The following RABGAP1L variants were observed in gnomAD, a reference collection of about 807,000 sequenced individuals.
The protein encoded by RABGAP1L is rab GTPase-activating protein 1-like.
Under a neutral mutation model 137.7 loss-of-function variants are expected in RABGAP1L, and 63 were observed. That is an observed-to-expected ratio of 0.46 (90% CI 0.37 to 0.56). The LOEUF (loss-of-function observed/expected upper bound fraction) is 0.56, where lower values mean the gene tolerates loss of function less well. Among genes scored for constraint, RABGAP1L ranks in the 20% least tolerant of loss-of-function variants. The pLI, the probability that RABGAP1L is intolerant of heterozygous loss-of-function variation, is 0.00. For missense variants in RABGAP1L, 1,095 were observed against 1,244.0 expected (o/e 0.88, Z 1.80); for synonymous variants, 431 against 433.7 (o/e 0.99, Z 0.08).
At chr1:174,168,993 C>G (rs1358816065) in intron 1 of RABGAP1L, among the ~76,000 whole-genome samples, 1 of 152,058 alleles carries the variant, frequency 6.6e-6, no homozygotes, top group East Asian at 1.9e-4. Context: ...CCATGTGTAC[C>G]CATTGTTTAG....
intron 17 of RABGAP1L, among the ~76,000 whole-genome samples, chr1:174,751,412 T>C (rs1395022464): frequency 6.6e-6 from 1 of 152,160 alleles, no homozygotes; most frequent in Non-Finnish European, 1.5e-5. Context: ...CCAGAATGTA[T>C]CAGTGACCAA....
intron 13 of RABGAP1L, among the ~76,000 whole-genome samples, chr1:174,477,780 A>G (rs1658655255): frequency 2.0e-5 from 3 of 152,190 alleles, no homozygotes; most frequent in Admixed American, 2.0e-4. Context: ...ATTTGACTCT[A>G]TACAAAATAA....
rs750768089 is a variant in RABGAP1L, at chr1:174,448,286, C to CTT, written c.1710+54142_1710+54143insTT. Reference sequence around the variant, plus strand: ...GACATTTCTGATCATTGCTGGGAATCTAACAGTTATCTTTGTCTTTCATTG... The same window carrying CTT: ...GACATTTCTGATCATTGCTGGGAATCTTTAACAGTTATCTTTGTCTTTCATTG... On this transcript the variant is annotated intron_variant, in intron 13 of 25. Coordinates refer to ENST00000681986, the MANE Select transcript of RABGAP1L (RefSeq NM_001366446.1). This position sits in a 1 kb window ranked among gnomAD's most constrained non-coding sequence, Gnocchi z 4.2. The CTT allele has an allele frequency of 6.2e-7, 1 of 1,613,068 alleles. No homozygotes were observed. The highest frequency in any genetic ancestry group is 8.5e-7 in the Non-Finnish European group (1 of 1,179,064).
intron 11 of RABGAP1L, among the ~76,000 whole-genome samples, chr1:174,311,106 C>A (rs1678796217): frequency 6.6e-6 from 1 of 152,114 alleles, no homozygotes; most frequent in African/African-American, 2.4e-5. Flanking sequence ...TCTCACACTG[C>A]TGTAAGGGTA....
intron 19 of RABGAP1L, among the ~76,000 whole-genome samples, chr1:174,927,450 G>A (rs1302506907): frequency 3.3e-5 from 5 of 151,992 alleles, no homozygotes; most frequent in South Asian, 2.1e-4. Flanking sequence ...GGCTGGTCTC[G>A]AACTCCTGAG....
chr1:174,611,108 T>A (rs1468132379), intron 13 of RABGAP1L, among the ~76,000 whole-genome samples: 1 of 149,090 alleles, frequency 6.7e-6, no homozygotes, highest in Non-Finnish European at 1.5e-5. Context: ...ACTTTTTGTG[T>A]TTTAGACATG....
chr1:174,650,132 A>G (rs960920677), intron 14 of RABGAP1L, among the ~76,000 whole-genome samples: 1 of 152,218 alleles, frequency 6.6e-6, no homozygotes, highest in Non-Finnish European at 1.5e-5. Flanking sequence ...ATGCTGGATT[A>G]CATTTATTGA....
chr1:174,635,051 T>TAAAATAAA (rs1407096387), intron 13 of RABGAP1L, among the ~76,000 whole-genome samples: 3 of 149,790 alleles, frequency 2.0e-5, no homozygotes, highest in African/African-American at 7.4e-5. Flanking sequence ...AAAATAATAA[T>TAAAATAAA]AAAATAAAAA....
chr1:174,344,307 C>T (rs1414420502), intron 11 of RABGAP1L, among the ~76,000 whole-genome samples: 1 of 152,182 alleles, frequency 6.6e-6, no homozygotes, highest in Non-Finnish European at 1.5e-5. Flanking sequence ...CCTGGGATTA[C>T]TGTCAGCATT....
At chr1:174,952,730 C>T (rs1041270334) in intron 19 of RABGAP1L, among the ~76,000 whole-genome samples, 14 of 152,042 alleles carry the variant, frequency 9.2e-5, no homozygotes, top group Non-Finnish European at 1.9e-4. Flanking sequence ...GCTGGGTCTA[C>T]AGGCATGTGC....
intron 15 of RABGAP1L, among the ~76,000 whole-genome samples, chr1:174,694,829 G>A (rs1172938524): frequency 6.6e-6 from 1 of 151,424 alleles, no homozygotes; most frequent in Non-Finnish European, 1.5e-5. Context: ...GTGTAAAAGT[G>A]TTCCTATTTC....
chr1:174,527,445 G>T (rs901415244), intron 13 of RABGAP1L, among the ~76,000 whole-genome samples: 1 of 152,040 alleles, frequency 6.6e-6, no homozygotes, highest in South Asian at 2.1e-4. Context: ...GACCTCAGGT[G>T]ATCCGCTGCC....
chr1:174,623,170 G>A (rs1315900082), intron 13 of RABGAP1L, among the ~76,000 whole-genome samples: 1 of 152,116 alleles, frequency 6.6e-6, no homozygotes, highest in Non-Finnish European at 1.5e-5. Flanking sequence ...ACAGTCTTGA[G>A]GAACTATTTT....
intron 19 of RABGAP1L, among the ~76,000 whole-genome samples, chr1:174,876,501 AGCAACTTTGTAATGGTGATTATGG>A (rs1653129067): frequency 6.6e-6 from 1 of 152,142 alleles, no homozygotes; most frequent in African/African-American, 2.4e-5. Flanking sequence ...TTCCTGATCA[AGCAACTTTGTAATGGTGATTATGG>A]GCAACTTTCA....
intron 19 of RABGAP1L, among the ~76,000 whole-genome samples, chr1:174,927,513 A>G (rs1663046210): frequency 6.6e-6 from 1 of 152,168 alleles, no homozygotes; most frequent in Admixed American, 6.5e-5. Context: ...TACAGGAATG[A>G]GACAACACAC....
At chr1:174,965,898 G>A (rs1315707235) in intron 20 of RABGAP1L, among the ~76,000 whole-genome samples, 2 of 152,144 alleles carry the variant, frequency 1.3e-5, no homozygotes, top group African/African-American at 4.8e-5. Flanking sequence ...TCCCACCCTT[G>A]CCCTTGCCCC....
intron 13 of RABGAP1L, among the ~76,000 whole-genome samples, chr1:174,487,168 T>A (rs1208073216): frequency 1.3e-5 from 2 of 152,172 alleles, no homozygotes; most frequent in African/African-American, 4.8e-5. Flanking sequence ...TTAACTGATG[T>A]TTCCTTGTTG....
chr1:174,830,516 T>C (rs1036850663), intron 19 of RABGAP1L, among the ~76,000 whole-genome samples: 1 of 147,104 alleles, frequency 6.8e-6, no homozygotes, highest in African/African-American at 2.5e-5. Flanking sequence ...TCACTCTATC[T>C]CCCAGGCTGG....
At chr1:174,389,120 C>G (rs1322399460) in intron 12 of RABGAP1L, among the ~76,000 whole-genome samples, 1 of 152,064 alleles carries the variant, frequency 6.6e-6, no homozygotes. Flanking sequence ...AATTAATATG[C>G]TTTTCATCTT....
Sources: allele counts gnomAD v4.1 joint callset (sites outside exome capture counted in the v4.1 genomes callset), GRCh38; gene constraint gnomAD v4.1.1; non-coding constraint Gnocchi (gnomAD v3.1); transcripts MANE v1.5; gene names NCBI Gene and HGNC (gene_info 2026-07-23, HGNC 2026-07-21).